The following TASOR variants were observed in gnomAD, a reference collection of about 807,000 sequenced individuals.
TASOR encodes transcription activation suppressor.
A neutral mutation model predicts 178.6 loss-of-function variants in TASOR; 53 were observed. The observed-to-expected ratio is 0.30, with a 90% CI of 0.24 to 0.37. The LOEUF (loss-of-function observed/expected upper bound fraction) is 0.37. Ranked by LOEUF, TASOR falls within the 10% of genes least tolerant of loss-of-function variation. TASOR has a pLI of 1.00. For synonymous variants in TASOR, 713 were observed against 696.2 expected (o/e 1.02, Z -0.38); for missense variants, 1,815 against 1,971.4 (o/e 0.92, Z 1.50).
chr3:56,635,299 C>T (rs1421750163), intron 17 of TASOR, among the ~76,000 whole-genome samples: 1 of 152,182 alleles, frequency 6.6e-6, no homozygotes, highest in Non-Finnish European at 1.5e-5. Flanking sequence ...AAATATCCAA[C>T]GTGCCAGGAT....
At chr3:56,660,428 T>G (rs1413669253) in intron 11 of TASOR, among the ~76,000 whole-genome samples, 1 of 146,556 alleles carries the variant, frequency 6.8e-6, no homozygotes, top group African/African-American at 2.6e-5. Flanking sequence ...AAGGCGGAGA[T>G]TACAGTGAGC....
intron 2 of TASOR, among the ~76,000 whole-genome samples, chr3:56,672,765 G>A (rs989097172): frequency 6.6e-6 from 1 of 152,074 alleles, no homozygotes; most frequent in African/African-American, 2.4e-5. Flanking sequence ...TTCCAATTTA[G>A]GCATTTAATT....
chr3:56,672,724 C>G (rs1278268586), intron 2 of TASOR, among the ~76,000 whole-genome samples: 1 of 152,156 alleles, frequency 6.6e-6, no homozygotes, highest in Non-Finnish European at 1.5e-5. Flanking sequence ...TAAAAACAAA[C>G]ACACCCATAT....
At chr3:56,680,040 A>G (rs1559858811) in intron 1 of TASOR, among the ~76,000 whole-genome samples, 3 of 151,694 alleles carry the variant, frequency 2.0e-5, no homozygotes, top group South Asian at 2.1e-4. Flanking sequence ...ATATTTAATG[A>G]AGGGGGGGAA....
At position 56,647,126 on chromosome 3, in the gene TASOR, C is replaced by G. The variant is rs1336831247; in HGVS notation, c.1611G>C (p.Gln537His). 1.9e-6 allele frequency: 3 copies of G among 1,606,936 alleles called. No homozygotes were observed. Among genetic ancestry groups the G allele is most frequent in the Non-Finnish European group, 1.7e-6 (2 of 1,178,430 alleles). ...IAQFLQFSLIQCRKEFKNISA... is the reference protein window; with the variant it reads ...IAQFLQFSLIHCRKEFKNISA... ...TTATATTTTTGAATTCCTTTCGACA[C>G]TGAATCAAAGAAAATTGTAAAAACT... Residue 537 changes from glutamine to histidine, a missense_variant, in exon 14 of 24, where the codon CAG becomes CAC. Gln to His is a conservative substitution (Grantham distance 24, BLOSUM62 0). Coordinates refer to ENST00000683822, the MANE Select transcript of TASOR (RefSeq NM_001365635.2).
chr3:56,659,319 G>A (rs1159551434), intron 11 of TASOR, among the ~76,000 whole-genome samples: 1 of 152,066 alleles, frequency 6.6e-6, no homozygotes, highest in Non-Finnish European at 1.5e-5. Flanking sequence ...CTCTTTCTTG[G>A]AACTTACGAC....
At chr3:56,645,527 T>C (rs13074639) in intron 14 of TASOR, among the ~76,000 whole-genome samples, 4,859 of 152,298 alleles carry the variant, frequency 0.032, 108 homozygotes, top group Middle Eastern at 0.078. Flanking sequence ...CAACTTTCTA[T>C]GAATGCAAAA....
chr3:56,668,289 G>A (rs2030278035), intron 6 of TASOR, 108 bp downstream of exon 6: 1 of 1,011,006 alleles, frequency 9.9e-7, no homozygotes, highest in Non-Finnish European at 1.4e-6. Flanking sequence ...GCAGACACCA[G>A]AGTCTAGACT....
At chr3:56,670,844 C>G in intron 3 of TASOR, among the ~76,000 whole-genome samples, 1 of 133,968 alleles carries the variant, frequency 7.5e-6, no homozygotes, top group African/African-American at 2.8e-5. Flanking sequence ...GGCTGAGGCA[C>G]AAGAATCACT....
intron 1 of TASOR, among the ~76,000 whole-genome samples, chr3:56,674,746 A>G (rs1184417471): frequency 6.6e-6 from 1 of 152,212 alleles, no homozygotes; most frequent in Non-Finnish European, 1.5e-5. Flanking sequence ...AGCTACTCTA[A>G]TAACCACTAT....
At chr3:56,636,293 G>A (rs200296453) in intron 17 of TASOR, among the ~76,000 whole-genome samples, 1 of 145,984 alleles carries the variant, frequency 6.9e-6, no homozygotes, top group Non-Finnish European at 1.5e-5. Flanking sequence ...AAAAAAAATA[G>A]AAAAAAAAAA....
chr3:56,648,695 T>A, intron 13 of TASOR, 127 bp downstream of exon 13: 11 of 437,658 alleles, frequency 2.5e-5, no homozygotes, highest in East Asian at 7.7e-5. Flanking sequence ...TGCTAATACC[T>A]CTTAACCCCC....
At chr3:56,681,087 T>TAAAAAAAA (rs11310490) in intron 1 of TASOR, among the ~76,000 whole-genome samples, 1 of 117,880 alleles carries the variant, frequency 8.5e-6, no homozygotes, top group Non-Finnish European at 1.9e-5. Context: ...TAACAAACAG[T>TAAAAAAAA]AAAAAAAAAA....
Position 56,682,796 on chromosome 3 carries a change from G to C in TASOR, c.211C>G (p.His71Asp). 6.4e-7 allele frequency: 1 copy of C among 1,550,536 alleles called. No individual in the cohort carries two copies. The highest frequency in any genetic ancestry group is 1.2e-5 in the South Asian group (1 of 83,986). Residue 71 changes from histidine to aspartate, a missense_variant, in exon 1 of 24, where the codon CAC becomes GAC. Around this residue, in one of 5 missense-constraint regions of TASOR, gnomAD observed 244 missense variants for 202.7 expected, o/e 1.20. Coordinates refer to ENST00000683822, the MANE Select transcript of TASOR (RefSeq NM_001365635.2). ...TCAGAGGAGTCCTGAGGCTGCTCGT[G>C]GCTGAGGCTCTGGGCGGCCTCGGCC... The part of the protein sequence containing the change: ...AGAEAAQSLS[H>D]EQPQDSSEAG...
At chr3:56,669,651 C>A in intron 5 of TASOR, 49 bp downstream of exon 5, 1 of 1,185,592 alleles carries the variant, frequency 8.4e-7, no homozygotes, top group African/African-American at 1.6e-5. Flanking sequence ...AAATTAAAAT[C>A]CAAATCAAGT....
intron 13 of TASOR, 21 bp from the exon 14 acceptor site, chr3:56,647,244 C>A (rs1559832371): frequency 6.7e-7 from 1 of 1,496,866 alleles, no homozygotes; most frequent in Non-Finnish European, 8.9e-7. Flanking sequence ...AACAAACAAA[C>A]AAAAAAGCAA....
chr3:56,623,856 G>C (rs561775495), intron 23 of TASOR: 1 of 1,543,864 alleles, frequency 6.5e-7, no homozygotes, highest in Non-Finnish European at 8.7e-7. Context: ...AAAGTTATAC[G>C]GTAATTCAGT....
intron 19 of TASOR, 75 bp from the exon 20 acceptor site, chr3:56,627,816 C>T (rs969559992): frequency 9.5e-5 from 132 of 1,384,172 alleles, no homozygotes; most frequent in Non-Finnish European, 1.2e-4. Context: ...AAGGAACCTA[C>T]AAGAAGTCTA....
chr3:56,635,594 T>C (rs559121137), intron 17 of TASOR, among the ~76,000 whole-genome samples: 287 of 152,302 alleles, frequency 1.9e-3, no homozygotes, highest in African/African-American at 6.6e-3. Context: ...AAAAATTGAA[T>C]TGCATCTCAT....
Sources: gnomAD v4.1 joint callset for allele counts (sites outside exome capture counted in the v4.1 genomes callset) on GRCh38, gnomAD v4.1.1 for gene constraint, gnomAD v4.1.1 regional missense constraint, MANE v1.5 for transcripts, NCBI Gene and HGNC (gene_info 2026-07-23, HGNC 2026-07-21) for gene names.